ARHGAP15: variants seen among roughly 807,000 people sequenced by gnomAD.
The protein encoded by ARHGAP15 is rho GTPase-activating protein 15.
In ARHGAP15, 51 loss-of-function variants were observed where a neutral mutation model predicts 63.7. The ratio of observed to expected loss-of-function variants is 0.80; its 90% CI spans 0.64 to 1.01. The LOEUF (loss-of-function observed/expected upper bound fraction) is 1.01, where lower values mean the gene tolerates loss of function less well. ARHGAP15 is among the 50% of genes least tolerant of loss of function. ARHGAP15 has a pLI of 0.00. For synonymous variants in ARHGAP15, 191 were observed against 193.8 expected (o/e 0.99, Z 0.12); for missense variants, 560 against 564.6 (o/e 0.99, Z 0.08).
At chr2:143,552,565 G>C (rs977305948) in intron 10 of ARHGAP15, among the ~76,000 whole-genome samples, 5 of 137,528 alleles carry the variant, frequency 3.6e-5, no homozygotes, top group South Asian at 2.4e-4. Flanking sequence ...AAAAAAGTCG[G>C]GGTGGGGAGG....
chr2:143,715,865 T>A (rs1217838165), intron 13 of ARHGAP15, among the ~76,000 whole-genome samples: 3 of 152,232 alleles, frequency 2.0e-5, no homozygotes, highest in Non-Finnish European at 4.4e-5. Flanking sequence ...GTTTTACATT[T>A]AAGTCTTTAA....
chr2:143,653,064 A>G (rs1681252250), intron 12 of ARHGAP15, among the ~76,000 whole-genome samples: 1 of 152,070 alleles, frequency 6.6e-6, no homozygotes, highest in African/African-American at 2.4e-5. Flanking sequence ...TGTCCTGAGT[A>G]TGCTAAGAGT....
chr2:143,589,939 T>C (rs977900138), intron 11 of ARHGAP15, among the ~76,000 whole-genome samples: 1 of 152,238 alleles, frequency 6.6e-6, no homozygotes, highest in African/African-American at 2.4e-5. Context: ...AGACCGATTT[T>C]GGCAGAAAGG....
In ARHGAP15 at chr2:143,673,744, G is replaced by A. The variant is rs1272305636; in HGVS notation, c.1139-29675G>A. 3.5e-3 allele frequency among the ~76,000 whole-genome samples: 87 copies of A among 24,670 alleles called. 1 individual carries two copies. The highest frequency in any genetic ancestry group is 6.3e-3 in the Non-Finnish European group (32 of 5,054). The allele number at this position is 24,670 out of a possible 152,430, so 16.2% of individuals were successfully genotyped here. ...ATATTGTGTGTGTGTGTGTGTGTGT[G>A]TGTGTGTGTGTGTGTATATATATAT... On this transcript the variant is annotated intron_variant, in intron 12 of 13. Coordinates refer to ENST00000295095, the MANE Select transcript of ARHGAP15 (RefSeq NM_018460.4).
intron 6 of ARHGAP15, among the ~76,000 whole-genome samples, chr2:143,314,900 A>C (rs1683625167): frequency 6.6e-6 from 1 of 152,246 alleles, no homozygotes; most frequent in Admixed American, 6.5e-5. Flanking sequence ...TTCATTAATA[A>C]GTAAATCTAA....
chr2:143,654,899 A>G (rs1412956766), intron 12 of ARHGAP15, among the ~76,000 whole-genome samples: 3 of 152,186 alleles, frequency 2.0e-5, no homozygotes, highest in Non-Finnish European at 4.4e-5. Flanking sequence ...GGAGTTTAAG[A>G]TTAGCCTAGG....
At chr2:143,301,636 T>C (rs1278049308) in intron 6 of ARHGAP15, among the ~76,000 whole-genome samples, 1 of 151,908 alleles carries the variant, frequency 6.6e-6, no homozygotes, top group Non-Finnish European at 1.5e-5. Flanking sequence ...TATAGCACCA[T>C]TTCTGGGTTG....
intron 9 of ARHGAP15, among the ~76,000 whole-genome samples, chr2:143,508,205 C>T (rs73964519): frequency 0.02 from 3,063 of 152,266 alleles, 103 homozygotes; most frequent in African/African-American, 0.07. Flanking sequence ...CTCAGGCCTT[C>T]CTGCTCCTCC....
intron 4 of ARHGAP15, among the ~76,000 whole-genome samples, chr2:143,225,634 A>G (rs1693182002): frequency 6.9e-6 from 1 of 144,422 alleles, no homozygotes; most frequent in Non-Finnish European, 1.5e-5. Context: ...AAACAAAACA[A>G]AACAAAAACC....
At chr2:143,656,934 G>GGTGTGTGTGT (rs5834961) in intron 12 of ARHGAP15, among the ~76,000 whole-genome samples, 3,204 of 144,996 alleles carry the variant, frequency 0.022, 63 homozygotes, top group East Asian at 0.069. Context: ...CAAAGTTTCT[G>GGTGTGTGTGT]GTGTGTGTGT....
intron 6 of ARHGAP15, among the ~76,000 whole-genome samples, chr2:143,355,600 A>G (rs1685774339): frequency 6.6e-6 from 1 of 152,168 alleles, no homozygotes; most frequent in Non-Finnish European, 1.5e-5. Context: ...TTGAACCTTG[A>G]CAAGAAATAA....
At chr2:143,356,965 A>G (rs1001255095) in intron 6 of ARHGAP15, among the ~76,000 whole-genome samples, 4 of 152,178 alleles carry the variant, frequency 2.6e-5, no homozygotes, top group African/African-American at 4.8e-5. Context: ...TGAACAGGCT[A>G]TATCAATTCG....
chr2:143,444,789 A>T (rs1481923890), intron 8 of ARHGAP15, among the ~76,000 whole-genome samples: 1 of 152,156 alleles, frequency 6.6e-6, no homozygotes, highest in Non-Finnish European at 1.5e-5. Flanking sequence ...TATTGCTTTC[A>T]CCCAAAAGTA....
chr2:143,461,473 T>C (rs754197265), intron 8 of ARHGAP15, among the ~76,000 whole-genome samples: 28 of 152,248 alleles, frequency 1.8e-4, no homozygotes, highest in Non-Finnish European at 2.9e-4. Context: ...AGCACAGATA[T>C]TAACATTTCT....
At chr2:143,150,826 C>A (rs1689785153) in intron 1 of ARHGAP15, among the ~76,000 whole-genome samples, 1 of 151,820 alleles carries the variant, frequency 6.6e-6, no homozygotes, top group Non-Finnish European at 1.5e-5. Flanking sequence ...GAGTGGGTAA[C>A]GTGTTCTAGG....
chr2:143,577,299 G>A (rs74494815), intron 11 of ARHGAP15, among the ~76,000 whole-genome samples: 1,916 of 152,114 alleles, frequency 0.013, 46 homozygotes, highest in African/African-American at 0.044. Flanking sequence ...GTTGACTTTC[G>A]ATTTCTTTAC....
intron 12 of ARHGAP15, among the ~76,000 whole-genome samples, chr2:143,673,744 G>GTATATATATATATATA (rs1682655962): frequency 8.1e-5 from 2 of 24,644 alleles, no homozygotes; most frequent in Admixed American, 8.5e-4. Flanking sequence ...GTGTGTGTGT[G>GTATATATATATATATA]TGTGTGTGTG....
chr2:143,132,190 G>T (rs1308731758), intron 1 of ARHGAP15, among the ~76,000 whole-genome samples: 1 of 152,128 alleles, frequency 6.6e-6, no homozygotes. Flanking sequence ...ACTTTAAAAT[G>T]CCCTTGTAAG....
chr2:143,683,540 G>GAAGAACATTA (rs1470635369), intron 12 of ARHGAP15, among the ~76,000 whole-genome samples: 2 of 152,242 alleles, frequency 1.3e-5, no homozygotes, highest in Admixed American at 1.3e-4. Context: ...CATTCCTGAA[G>GAAGAACATTA]AAGAACATTA....
Sources: allele counts gnomAD v4.1 joint callset (sites outside exome capture counted in the v4.1 genomes callset), GRCh38; gene constraint gnomAD v4.1.1; transcripts MANE v1.5; gene names NCBI Gene and HGNC (gene_info 2026-07-23, HGNC 2026-07-21).